Variants in CNTNAP5 observed in about 807,000 individuals in gnomAD.
The protein encoded by CNTNAP5 is contactin-associated protein-like 5.
In CNTNAP5, 72 loss-of-function variants were observed where a neutral mutation model predicts 150.2. The ratio of observed to expected loss-of-function variants is 0.48; its 90% CI spans 0.40 to 0.58. The LOEUF (loss-of-function observed/expected upper bound fraction) is 0.58, where lower values mean the gene tolerates loss of function less well. CNTNAP5 is among the 20% of genes least tolerant of loss of function. The pLI, the probability that CNTNAP5 is intolerant of heterozygous loss-of-function variation, is 0.00. For synonymous variants in CNTNAP5, 672 were observed against 619.8 expected (o/e 1.08, Z -1.25); for missense variants, 1,636 against 1,626.2 (o/e 1.01, Z -0.10).
rs1678830269 is a variant in CNTNAP5 at position 124,919,411 on chromosome 2, T to C, written c.*5123T>C. ...AGCTAGATGTCTGTCTTATGTAATG[T>C]TTATAGTCTACAAAATGGCTGAGCA... On this transcript the variant is annotated 3_prime_UTR_variant, in exon 24 of 24. Coordinates refer to ENST00000682447, the MANE Select transcript of CNTNAP5 (RefSeq NM_001367498.1). 6.6e-6 allele frequency among the ~76,000 whole-genome samples: 1 copy of C among 152,118 alleles called. No homozygotes were observed. Among genetic ancestry groups the C allele is most frequent in the African/African-American group, 2.4e-5 (1 of 41,446 alleles).
intron 17 of CNTNAP5, among the ~76,000 whole-genome samples, chr2:124,773,796 G>C (rs554592712): frequency 2.0e-5 from 3 of 150,854 alleles, no homozygotes; most frequent in Admixed American, 1.3e-4. Context: ...TCACAGAGAA[G>C]AGAGCATGGG....
intron 10 of CNTNAP5, among the ~76,000 whole-genome samples, chr2:124,551,562 A>T (rs984404676): frequency 1.3e-5 from 2 of 152,216 alleles, no homozygotes; most frequent in African/African-American, 4.8e-5. Flanking sequence ...CACAGCTTAC[A>T]TTAGTCAGCT....
intron 1 of CNTNAP5, among the ~76,000 whole-genome samples, chr2:124,169,812 C>A (rs1204213246): frequency 6.6e-6 from 1 of 152,182 alleles, no homozygotes; most frequent in African/African-American, 2.4e-5. Context: ...AAGGCAGTAG[C>A]CCCTGGTTCT....
At chr2:124,181,465 T>C (rs75542049) in intron 1 of CNTNAP5, among the ~76,000 whole-genome samples, 1 of 152,132 alleles carries the variant, frequency 6.6e-6, no homozygotes, top group Non-Finnish European at 1.5e-5. Flanking sequence ...CTTTTTTTTT[T>C]ACATTTTTAA....
intron 11 of CNTNAP5, among the ~76,000 whole-genome samples, chr2:124,586,869 T>A (rs1270555155): frequency 1.3e-5 from 2 of 152,198 alleles, no homozygotes; most frequent in African/African-American, 4.8e-5. Flanking sequence ...GAATATCATA[T>A]CCGATTTTTT....
intron 19 of CNTNAP5, among the ~76,000 whole-genome samples, chr2:124,844,332 C>T (rs529416690): frequency 6.6e-6 from 1 of 152,078 alleles, no homozygotes; most frequent in Non-Finnish European, 1.5e-5. Flanking sequence ...AAATATTTGG[C>T]TTTATTTCCA....
At chr2:124,565,561 T>C (rs900619643) in intron 11 of CNTNAP5, among the ~76,000 whole-genome samples, 1 of 147,868 alleles carries the variant, frequency 6.8e-6, no homozygotes, top group Non-Finnish European at 1.5e-5. Context: ...TGAATTTAAA[T>C]TTTACCTAGA....
At chr2:124,095,388 A>C (rs149825747) in intron 1 of CNTNAP5, among the ~76,000 whole-genome samples, 1 of 152,212 alleles carries the variant, frequency 6.6e-6, no homozygotes, top group Non-Finnish European at 1.5e-5. Context: ...ACAAATATCT[A>C]ATGCATGCGG....
intron 3 of CNTNAP5, among the ~76,000 whole-genome samples, chr2:124,403,242 A>G (rs1279541065): frequency 3.3e-5 from 5 of 152,176 alleles, no homozygotes; most frequent in Non-Finnish European, 4.4e-5. Flanking sequence ...ACTGTCATAC[A>G]AAGATATTTT....
chr2:124,162,416 T>G (rs1368217585), intron 1 of CNTNAP5, among the ~76,000 whole-genome samples: 1 of 152,198 alleles, frequency 6.6e-6, no homozygotes, highest in Non-Finnish European at 1.5e-5. Flanking sequence ...CAGTTACTCA[T>G]GTGATGCCAC....
At chr2:124,685,383 C>A (rs982714814) in intron 13 of CNTNAP5, among the ~76,000 whole-genome samples, 2 of 152,120 alleles carry the variant, frequency 1.3e-5, no homozygotes, top group African/African-American at 4.8e-5. Context: ...CCACATAGAT[C>A]ATCTCAATCA....
At chr2:124,489,157 T>G (rs574995375) in intron 7 of CNTNAP5, among the ~76,000 whole-genome samples, 147 of 152,340 alleles carry the variant, frequency 9.6e-4, no homozygotes, top group African/African-American at 3.3e-3. Flanking sequence ...GCGGTTTCAT[T>G]AAGAAAAACT....
At chr2:124,355,795 G>T (rs75356833) in intron 3 of CNTNAP5, among the ~76,000 whole-genome samples, 4,934 of 152,152 alleles carry the variant, frequency 0.032, 146 homozygotes, top group Non-Finnish European at 0.042. Flanking sequence ...TTTGTAATTT[G>T]CATTTACTGA....
At chr2:124,800,352 T>A (rs1681941545) in intron 19 of CNTNAP5, among the ~76,000 whole-genome samples, 1 of 151,676 alleles carries the variant, frequency 6.6e-6, no homozygotes, top group East Asian at 1.9e-4. Flanking sequence ...TGAATATAAT[T>A]GTATCAAATT....
At chr2:124,912,238 A>C (rs1432264747) in intron 23 of CNTNAP5, among the ~76,000 whole-genome samples, 1 of 152,066 alleles carries the variant, frequency 6.6e-6, no homozygotes. Context: ...ACTCATTTCT[A>C]TCTGAGAAAC....
chr2:124,553,588 G>A (rs2104919956), intron 10 of CNTNAP5, among the ~76,000 whole-genome samples: 1 of 151,308 alleles, frequency 6.6e-6, no homozygotes, highest in East Asian at 1.9e-4. Flanking sequence ...CAAATAAAAT[G>A]ACGCAAAATG....
At chr2:124,587,623 G>A (rs974188742) in intron 11 of CNTNAP5, among the ~76,000 whole-genome samples, 11 of 152,000 alleles carry the variant, frequency 7.2e-5, no homozygotes, top group Non-Finnish European at 1.5e-4. Flanking sequence ...TAGTCTCCTC[G>A]TCTTTTGGGG....
At chr2:124,261,835 C>T (rs897741356) in intron 3 of CNTNAP5, among the ~76,000 whole-genome samples, 1 of 152,120 alleles carries the variant, frequency 6.6e-6, no homozygotes, top group African/African-American at 2.4e-5. Flanking sequence ...GGTGCTGGTT[C>T]AACGCTAGCA....
intron 7 of CNTNAP5, among the ~76,000 whole-genome samples, chr2:124,478,343 A>T (rs1693690813): frequency 6.6e-6 from 1 of 152,198 alleles, no homozygotes; most frequent in Admixed American, 6.5e-5. Flanking sequence ...AGGCATAAAG[A>T]ATCCATTTAG....
Sources: gnomAD v4.1 joint callset for allele counts (sites outside exome capture counted in the v4.1 genomes callset) on GRCh38, gnomAD v4.1.1 for gene constraint, MANE v1.5 for transcripts, NCBI Gene and HGNC (gene_info 2026-07-23, HGNC 2026-07-21) for gene names.